The following BNC2 variants were observed in gnomAD, a reference collection of about 807,000 sequenced individuals.
BNC2 encodes basonuclin zinc finger protein 2, also known as zinc finger protein basonuclin-2.
In BNC2, 20 loss-of-function variants were observed where a neutral mutation model predicts 76.3. That is an observed-to-expected ratio of 0.26 (90% CI 0.18 to 0.38). The LOEUF is 0.38. Ranked by LOEUF, BNC2 falls within the 10% of genes least tolerant of loss-of-function variation. BNC2 has a pLI of 1.00. For synonymous variants in BNC2, 582 were observed against 514.8 expected (o/e 1.13, Z -1.77); for missense variants, 1,382 against 1,399.8 (o/e 0.99, Z 0.20).
intron 1 of BNC2, among the ~76,000 whole-genome samples, chr9:16,836,908 A>G (rs1818720621): frequency 6.6e-6 from 1 of 152,180 alleles, no homozygotes; most frequent in African/African-American, 2.4e-5. Flanking sequence ...GGCCACTTAT[A>G]TTAACAGTGA....
intron 5 of BNC2, among the ~76,000 whole-genome samples, chr9:16,446,202 T>C (rs1587036220): frequency 6.6e-6 from 1 of 152,172 alleles, no homozygotes; most frequent in East Asian, 1.9e-4. Context: ...TATTATATAC[T>C]ACTCTCATTA....
intron 3 of BNC2, among the ~76,000 whole-genome samples, chr9:16,720,151 T>C (rs530594717): frequency 6.6e-5 from 10 of 152,292 alleles, no homozygotes; most frequent in South Asian, 2.1e-4. Flanking sequence ...CTCGAGACAG[T>C]CCTGTCAGCA....
At chr9:16,507,934 T>A (rs565103523) in intron 5 of BNC2, among the ~76,000 whole-genome samples, 1 of 152,284 alleles carries the variant, frequency 6.6e-6, no homozygotes, top group African/African-American at 2.4e-5. Flanking sequence ...ATAACAATCG[T>A]TCATTATTAT....
chr9:16,503,511 T>C (rs1239830147), intron 5 of BNC2, among the ~76,000 whole-genome samples: 1 of 152,118 alleles, frequency 6.6e-6, no homozygotes, highest in Non-Finnish European at 1.5e-5. Context: ...GGAGAGGACA[T>C]TCATGTTTCA....
intron 5 of BNC2, among the ~76,000 whole-genome samples, chr9:16,480,857 C>T (rs2131510578): frequency 6.6e-6 from 1 of 152,328 alleles, no homozygotes; most frequent in Non-Finnish European, 1.5e-5. Context: ...TCCACGGCGC[C>T]CAGTCCCATC....
At chr9:16,454,071 A>G (rs2131109714) in intron 5 of BNC2, among the ~76,000 whole-genome samples, 1 of 152,180 alleles carries the variant, frequency 6.6e-6, no homozygotes, top group Non-Finnish European at 1.5e-5. Context: ...TTTGTGGCCC[A>G]CCTATCAAAT....
intron 3 of BNC2, among the ~76,000 whole-genome samples, chr9:16,621,490 A>C (rs888093310): frequency 1.4e-4 from 21 of 152,338 alleles, no homozygotes; most frequent in African/African-American, 4.8e-4. Context: ...CAAAAATGTT[A>C]ATGAGAAAGA....
intron 1 of BNC2, among the ~76,000 whole-genome samples, chr9:16,865,977 G>A (rs1819534593): frequency 2.0e-5 from 3 of 152,102 alleles, no homozygotes. Flanking sequence ...TTATTGGCTA[G>A]CAACATAATG....
intron 3 of BNC2, among the ~76,000 whole-genome samples, chr9:16,715,143 T>A (rs779849695): frequency 7.9e-5 from 12 of 152,212 alleles, no homozygotes; most frequent in Non-Finnish European, 1.2e-4. Flanking sequence ...GAATTCGGCT[T>A]TTCATCTACA....
chr9:16,550,992 C>A (rs1818644439), intron 5 of BNC2, among the ~76,000 whole-genome samples: 1 of 152,082 alleles, frequency 6.6e-6, no homozygotes, highest in African/African-American at 2.4e-5. Context: ...GAAACCAGTT[C>A]CTGATTTATT....
intron 4 of BNC2, among the ~76,000 whole-genome samples, chr9:16,565,138 T>C (rs919712308): frequency 3.9e-5 from 6 of 152,182 alleles, no homozygotes; most frequent in Admixed American, 2.6e-4. Flanking sequence ...TGGCCTATTA[T>C]ATGCTAAAGA....
rs144355383 is a variant in BNC2, at chr9:16,435,764, C to A, written c.2430G>T (p.Ser810=). The A allele has an allele frequency of 3.1e-6, 5 of 1,613,968 alleles. No individual in the cohort carries two copies. Among genetic ancestry groups the A allele is most frequent in the African/African-American group, 1.3e-5 (1 of 74,894 alleles). ...TTTGAGGGCTGCCATAATTCAGAGA[C>A]GATGTAAAGCTCTCATGCAAGGCGG... The part of the protein sequence containing the change: ...SMAALHESFT[S]SLNYGSPQKF... The change falls in exon 6 of 7, where the codon TCG becomes TCT. Residue 810 remains serine (S), a synonymous_variant. Coordinates refer to ENST00000380672, the MANE Select transcript of BNC2 (RefSeq NM_017637.6).
chr9:16,870,573 G>A (rs1819658413), intron 1 of BNC2, 73 bp downstream of exon 1: 2 of 1,574,964 alleles, frequency 1.3e-6, no homozygotes, highest in Non-Finnish European at 8.6e-7. Flanking sequence ...GGCGGCCCCG[G>A]TGGCGCTCGG....
chr9:16,522,104 G>C (rs2132084648), intron 5 of BNC2, among the ~76,000 whole-genome samples: 1 of 152,210 alleles, frequency 6.6e-6, no homozygotes, highest in South Asian at 2.1e-4. Context: ...TTAATAAAGA[G>C]CTCCATTGTG....
At chr9:16,751,304 G>C (rs1428485958) in intron 1 of BNC2, among the ~76,000 whole-genome samples, 1 of 150,668 alleles carries the variant, frequency 6.6e-6, no homozygotes, top group Non-Finnish European at 1.5e-5. Flanking sequence ...GAGCACTGGA[G>C]TACTGGATGA....
intron 3 of BNC2, among the ~76,000 whole-genome samples, chr9:16,699,389 T>C (rs1823441112): frequency 6.6e-6 from 1 of 152,200 alleles, no homozygotes; most frequent in Admixed American, 6.5e-5. Context: ...AAAAGCCACA[T>C]AAGATTTTAG....
chr9:16,518,205 G>T (rs1208462473), intron 5 of BNC2, among the ~76,000 whole-genome samples: 1 of 152,162 alleles, frequency 6.6e-6, no homozygotes, highest in African/African-American at 2.4e-5. Context: ...AAGGCGGGAG[G>T]ATCACTTAGC....
chr9:16,612,699 G>A (rs901505306), intron 3 of BNC2, among the ~76,000 whole-genome samples: 1 of 152,262 alleles, frequency 6.6e-6, no homozygotes, highest in East Asian at 1.9e-4. Flanking sequence ...ATACTATAAA[G>A]TGGAATGTGA....
intron 3 of BNC2, among the ~76,000 whole-genome samples, chr9:16,666,592 T>C (rs1483170907): frequency 6.6e-6 from 1 of 152,204 alleles, no homozygotes; most frequent in African/African-American, 2.4e-5. Flanking sequence ...TAAAAACATC[T>C]TTCAAGAAAC....
Sources: gnomAD v4.1 joint callset for allele counts (sites outside exome capture counted in the v4.1 genomes callset) on GRCh38, gnomAD v4.1.1 for gene constraint, MANE v1.5 for transcripts, NCBI Gene and HGNC (gene_info 2026-07-23, HGNC 2026-07-21) for gene names.